The following PTPRU variants were observed in gnomAD, a reference collection of about 807,000 sequenced individuals.
The protein encoded by PTPRU is receptor-type tyrosine-protein phosphatase U.
PTPRU carries 69 observed loss-of-function variants against 166.3 expected under a neutral mutation model. The observed-to-expected ratio is 0.41, with a 90% confidence interval of 0.34 to 0.51. The LOEUF (loss-of-function observed/expected upper bound fraction) is 0.51, where lower values mean the gene tolerates loss of function less well. Ranked by LOEUF, PTPRU falls within the 20% of genes least tolerant of loss-of-function variation. The pLI is 0.09. For synonymous variants in PTPRU, 793 were observed against 814.0 expected, an observed-to-expected ratio of 0.97 and a Z score of 0.44; for missense variants, 1,657 against 2,013.7, an observed-to-expected ratio of 0.82 and a Z score of 3.39.
chr1:29,289,713 G>T, intron 14 of PTPRU: 1 of 1,613,946 alleles, frequency 6.2e-7, no homozygotes, highest in South Asian at 1.1e-5. Context: ...CCTACTACCC[G>T]TAAGTAGCTC....
In PTPRU at chr1:29,260,047, C is replaced by T. The variant is rs1276347276; in HGVS notation, c.850+3C>T. On this transcript the variant is annotated splice_donor_region_variant and intron_variant, in intron 6 of 29. Coordinates refer to ENST00000373779, the MANE Select transcript of PTPRU (RefSeq NM_133178.4). This position sits in a 1 kb window ranked among gnomAD's most constrained non-coding sequence, Gnocchi z 8.3. ...CTTCGCGGAGCTCATCGTCAAGGGT[C>T]AGCTGGTGGACGCCGGGGAGCGCCG... The T allele has an allele frequency of 2.1e-6, 3 of 1,429,374 alleles. No individual in the cohort carries two copies. The highest frequency in any genetic ancestry group is 2.7e-6 in the Non-Finnish European group (3 of 1,097,500). 88.5% of individuals were successfully genotyped at this position (1,429,374 alleles called of 1,614,324 possible).
chr1:29,323,621 C>G lies in PTPRU; in HGVS notation c.3955-10C>G. 6.2e-7 allele frequency: 1 copy of G among 1,613,886 alleles called. No individual in the cohort carries two copies. Among genetic ancestry groups the G allele is most frequent in the Non-Finnish European group, 8.5e-7 (1 of 1,179,872 alleles). ...TCATGTCCTCCCTGGCTGGCTGCCC[C>G]TGTCCCCAGTTGCAGGAGGGGCACC... On this transcript the variant is annotated splice_polypyrimidine_tract_variant and intron_variant, in intron 27 of 29. Transcript: ENST00000373779.
rs1687845574 is a variant in PTPRU, at chr1:29,315,258, T to C, written c.3228-114T>C. ...ACTCGGGGAGGGGCAGTCATCTCTGTGTCCGTGTCCCCTGTATGGTGTAGA... is the reference window on the plus strand; with the variant it reads ...ACTCGGGGAGGGGCAGTCATCTCTGCGTCCGTGTCCCCTGTATGGTGTAGA... On this transcript the variant is annotated intron_variant, in intron 22 of 29. Transcript: ENST00000373779. The surrounding 1 kb of genome is among the most constrained non-coding windows in gnomAD (Gnocchi z 4.5). The C allele has an allele frequency of 9.8e-6, 13 of 1,332,046 alleles. No individual in the cohort carries two copies. The highest frequency in any genetic ancestry group is 1.2e-5 in the Non-Finnish European group (12 of 963,130). The allele number at this position is 1,332,046 out of a possible 1,614,324, so 82.5% of individuals were successfully genotyped here. A position where few individuals can be genotyped will look rare whatever the true frequency, so the allele number is the denominator to read the frequency against.
At chr1:29,259,834 G>A (rs1298575708) in intron 5 of PTPRU, 36 bp from the exon 6 acceptor site, 3 of 1,506,408 alleles carry the variant, frequency 2.0e-6, no homozygotes, top group East Asian at 4.9e-5. Context: ...CCCTCGCTCC[G>A]AGGCGCCCCT....
At chr1:29,277,570 A>G (rs1289927564) in intron 8 of PTPRU, among the ~76,000 whole-genome samples, 1 of 152,196 alleles carries the variant, frequency 6.6e-6, no homozygotes, top group Non-Finnish European at 1.5e-5. Flanking sequence ...AAGAACATGT[A>G]TTCTGTTGCT....
chr1:29,318,511 GTC>G (rs2151969717), intron 25 of PTPRU, among the ~76,000 whole-genome samples: 1 of 152,374 alleles, frequency 6.6e-6, no homozygotes, highest in East Asian at 1.9e-4. Flanking sequence ...AGATGCTGCT[GTC>G]TGAGGCGGGA....
At chr1:29,283,874 G>T (rs547306795) in intron 12 of PTPRU, 66 bp from the exon 13 acceptor site, 4 of 1,576,076 alleles carry the variant, frequency 2.5e-6, no homozygotes, top group East Asian at 2.2e-5. Flanking sequence ...GCTGTCTGAG[G>T]TTCCCACCCT....
chr1:29,303,810 T>C, intron 15 of PTPRU, 45 bp from the exon 16 acceptor site: 1 of 1,532,084 alleles, frequency 6.5e-7, no homozygotes, highest in Non-Finnish European at 8.9e-7. Context: ...CCCCCGAGGC[T>C]GGGGCATGTG....
intron 1 of PTPRU, among the ~76,000 whole-genome samples, chr1:29,245,480 G>A (rs74065287): frequency 0.01 from 1,575 of 152,280 alleles, 30 homozygotes; most frequent in African/African-American, 0.036. Flanking sequence ...CTGTTGCAGC[G>A]TGCCAGGCTC....
rs77152416 is a variant in PTPRU at position 29,310,147 on chromosome 1, A to G, written c.2821-597A>G. On this transcript the variant is annotated intron_variant, in intron 18 of 29. Coordinates refer to ENST00000373779, the MANE Select transcript of PTPRU (RefSeq NM_133178.4). ...CACAGTACGTGACCATAACAGGGTCATTATTATTGATCTTAAAGATTTTAA... is the reference window on the plus strand; with the variant it reads ...CACAGTACGTGACCATAACAGGGTCGTTATTATTGATCTTAAAGATTTTAA... Among the ~76,000 whole-genome samples the G allele has an allele frequency of 1.2e-3, 187 of 152,292 alleles. 4 individuals are homozygous for G. In the East Asian group the frequency reaches 0.034, roughly 27 times the overall value.
intron 14 of PTPRU, among the ~76,000 whole-genome samples, chr1:29,290,103 C>T (rs1459241968): frequency 3.3e-5 from 5 of 152,226 alleles, no homozygotes; most frequent in East Asian, 1.9e-4. Context: ...CTGGAGCCCA[C>T]GTCCATGTGC....
chr1:29,240,469 C>CT (rs1291198511), intron 1 of PTPRU, among the ~76,000 whole-genome samples: 1 of 152,052 alleles, frequency 6.6e-6, no homozygotes, highest in African/African-American at 2.4e-5. Flanking sequence ...GATGGGGGTG[C>CT]ACTGATTCCA....
At chr1:29,274,272 C>G (rs1053114018) in intron 7 of PTPRU, among the ~76,000 whole-genome samples, 1 of 152,118 alleles carries the variant, frequency 6.6e-6, no homozygotes, top group Non-Finnish European at 1.5e-5. Context: ...AACTCCTGAC[C>G]TTGTGATCCG....
intron 1 of PTPRU, among the ~76,000 whole-genome samples, chr1:29,241,042 T>A (rs1208960176): frequency 6.6e-6 from 1 of 152,004 alleles, no homozygotes; most frequent in African/African-American, 2.4e-5. Flanking sequence ...GGGGGGTGTG[T>A]AGGGATTGTA....
Position 29,315,875 on chromosome 1 carries a change from C to A in PTPRU, c.3364-127C>A, listed in dbSNP as rs1048605049. The A allele has an allele frequency of 5.5e-5, 66 of 1,206,860 alleles. No individual in the cohort carries two copies. In the East Asian group the frequency reaches 1.7e-3, roughly 30 times the overall value. The allele number at this position is 1,206,860 out of a possible 1,614,324, so 74.8% of individuals were successfully genotyped here. ...TTGTTTCAGGTAGGCTTGGTCCAGCCTGTAGTAACATGGTTGGCCTCCACC... is the reference window on the plus strand; with the variant it reads ...TTGTTTCAGGTAGGCTTGGTCCAGCATGTAGTAACATGGTTGGCCTCCACC... On this transcript the variant is annotated intron_variant, in intron 23 of 29. Coordinates refer to ENST00000373779, the MANE Select transcript of PTPRU (RefSeq NM_133178.4). The surrounding 1 kb of genome is among the most constrained non-coding windows in gnomAD (Gnocchi z 4.5).
intron 15 of PTPRU, among the ~76,000 whole-genome samples, chr1:29,302,559 C>A (rs894931423): frequency 6.6e-6 from 1 of 150,538 alleles, no homozygotes; most frequent in African/African-American, 2.4e-5. Context: ...ATTTTTTTTT[C>A]TTTTTTTTGA....
At position 29,271,342 on chromosome 1, in the gene PTPRU, C is replaced by T. The variant is rs527463493; in HGVS notation, c.1145-4106C>T. The stretch of plus-strand genomic sequence containing the variant: ...TCATGGATTCACACCCCTCAATCAA[C>T]ATATCAGTCTGTAGTCAACAAACTA... On this transcript the variant is annotated intron_variant, in intron 7 of 29. Coordinates refer to ENST00000373779, the MANE Select transcript of PTPRU (RefSeq NM_133178.4). The surrounding 1 kb of genome is among the most constrained non-coding windows in gnomAD (Gnocchi z 4.4). Among the ~76,000 whole-genome samples the T allele has an allele frequency of 5.9e-5, 9 of 152,282 alleles. No individual in the cohort carries two copies. Among genetic ancestry groups the T allele is most frequent in the African/African-American group, 1.7e-4 (7 of 41,568 alleles).
In PTPRU at chr1:29,283,127, C is replaced by T. The variant is rs368443137; in HGVS notation, c.2142+178C>T. Among the ~76,000 whole-genome samples the T allele has an allele frequency of 2.0e-3, 300 of 150,516 alleles. 2 individuals are homozygous for T. Among genetic ancestry groups the T allele is most frequent in the African/African-American group, 6.9e-3 (281 of 40,822 alleles). On this transcript the variant is annotated intron_variant, in intron 12 of 29. Coordinates refer to ENST00000373779, the MANE Select transcript of PTPRU (RefSeq NM_133178.4). ...ACAGCCCACCCCCATAGCCCTACCT[C>T]CTGTAGCCCCACCTCCCATAGCCCT...
intron 7 of PTPRU, among the ~76,000 whole-genome samples, chr1:29,267,096 G>A (rs1475490007): frequency 5.3e-5 from 8 of 152,162 alleles, no homozygotes. Context: ...TGAATGTGGT[G>A]GCATGTGCCT....
Sources: allele counts gnomAD v4.1 joint callset (sites outside exome capture counted in the v4.1 genomes callset), GRCh38; gene constraint gnomAD v4.1.1; non-coding constraint Gnocchi (gnomAD v3.1); transcripts MANE v1.5; gene names NCBI Gene and HGNC (gene_info 2026-07-23, HGNC 2026-07-21).